The following RAD54L2 variants were observed in gnomAD, a reference collection of about 807,000 sequenced individuals.
RAD54L2 encodes RAD54 like 2.
Under a neutral mutation model 138.4 loss-of-function variants are expected in RAD54L2, and 27 were observed. The ratio of observed to expected loss-of-function variants is 0.20; its 90% CI spans 0.14 to 0.27. RAD54L2 has a LOEUF of 0.27. RAD54L2 is among the 10% of genes least tolerant of loss of function. The probability of loss-of-function intolerance (pLI) is 1.00; values close to 1 mark genes in which losing one functional copy is unlikely to be tolerated. For synonymous variants in RAD54L2, 644 were observed against 723.2 expected (o/e 0.89, Z 1.76); for missense variants, 1,396 against 1,890.2 (o/e 0.74, Z 4.85).
In RAD54L2 at chr3:51,615,487, T is replaced by C. The variant is rs1405293811; in HGVS notation, c.140-12066T>C. On this transcript the variant is annotated intron_variant, in intron 3 of 22. Transcript: ENST00000684192. ...GATTTTTTATTCATACATATTTTAC[T>C]CTAGCGGCAAAATTTTAAAACTAAG... Among the ~76,000 whole-genome samples, 5 of 152,340 alleles carry C rather than the reference T, an allele frequency of 3.3e-5. No individual in the cohort carries two copies. The South Asian group carries it at 1.0e-3, about 32-fold the overall frequency.
At chr3:51,622,552 C>T (rs917404520) in intron 3 of RAD54L2, among the ~76,000 whole-genome samples, 2 of 152,146 alleles carry the variant, frequency 1.3e-5, no homozygotes, top group Admixed American at 1.3e-4. Flanking sequence ...CAGTTGAGGG[C>T]CAAGGAAGTT....
At chr3:51,563,905 C>T (rs1026417330) in intron 2 of RAD54L2, among the ~76,000 whole-genome samples, 2 of 152,160 alleles carry the variant, frequency 1.3e-5, no homozygotes, top group Non-Finnish European at 2.9e-5. Context: ...TTAAATAATT[C>T]CTTAAATGTC....
chr3:51,586,457 C>T (rs144849271), intron 2 of RAD54L2, among the ~76,000 whole-genome samples: 31 of 149,572 alleles, frequency 2.1e-4, no homozygotes, highest in African/African-American at 5.9e-4. Flanking sequence ...AAGTCTCTGT[C>T]GCCACCACAC....
At position 51,608,472 on chromosome 3, in the gene RAD54L2, A is replaced by G. The variant is rs192935032; in HGVS notation, c.139+17913A>G. ...TCTCGGCACTTTGGGAGGCCAAGGC[A>G]GGCGGCTGGGAGGTGGAGGTTGTAG... is the stretch of plus-strand genomic sequence containing the variant. On this transcript the variant is annotated intron_variant, in intron 3 of 22. Coordinates refer to ENST00000684192, the MANE Select transcript of RAD54L2 (RefSeq NM_015106.4). Among the ~76,000 whole-genome samples, 9 of 152,326 alleles carry G rather than the reference A, an allele frequency of 5.9e-5. 1 individual carries two copies. In the East Asian group the frequency reaches 1.7e-3, roughly 29 times the overall value.
chr3:51,571,823 G>GT lies in RAD54L2; in HGVS notation c.-54-18535dup, dbSNP rs915063790. On this transcript the variant is annotated intron_variant, in intron 2 of 22. Transcript: ENST00000684192. ...TTATTTTCCACTTATAGAAATAGGGGTTTTTTTTTACTTCATTTTTTATTA... is the reference window on the plus strand; with the variant it reads ...TTATTTTCCACTTATAGAAATAGGGGTTTTTTTTTTACTTCATTTTTTATTA... 3.7e-4 allele frequency among the ~76,000 whole-genome samples: 56 copies of GT among 150,960 alleles called. 1 individual carries two copies. The highest frequency in any genetic ancestry group is 1.3e-3 in the South Asian group (6 of 4,736).
At chr3:51,607,086 AT>A (rs1375836433) in intron 3 of RAD54L2, among the ~76,000 whole-genome samples, 1 of 135,316 alleles carries the variant, frequency 7.4e-6, no homozygotes, top group Admixed American at 7.2e-5. Flanking sequence ...TTATTTTTTT[AT>A]TTTTTATTTT....
Position 51,646,359 on chromosome 3 carries a change from A to G in RAD54L2, c.2904A>G (p.Ala968=), listed in dbSNP as rs889687122. ...HKLTKAEKKA[A]KKSYEEDKRT... Reference sequence around the variant, plus strand: ...TAACCAAGGCTGAGAAAAAAGCAGCAAAGAAAAGCTATGAGGAAGACAAAC... The same window carrying G: ...TAACCAAGGCTGAGAAAAAAGCAGCGAAGAAAAGCTATGAGGAAGACAAAC... The change falls in exon 19 of 23, where the codon GCA becomes GCG. Residue 968 remains alanine (A), a synonymous_variant. Transcript: ENST00000684192. The G allele has an allele frequency of 6.2e-7, 1 of 1,612,802 alleles. No homozygotes were observed. Among genetic ancestry groups the G allele is most frequent in the Non-Finnish European group, 8.5e-7 (1 of 1,179,488 alleles).
chr3:51,554,269 A>G lies in RAD54L2; in HGVS notation c.-55+12619A>G, dbSNP rs111848720. Reference sequence around the variant, plus strand: ...ATAATCCCAGCTATTCTGGAGGCTGAGGCAGGAGAATCTCTTGAACCCTGG... The same window carrying G: ...ATAATCCCAGCTATTCTGGAGGCTGGGGCAGGAGAATCTCTTGAACCCTGG... On this transcript the variant is annotated intron_variant, in intron 2 of 22. Coordinates refer to ENST00000684192, the MANE Select transcript of RAD54L2 (RefSeq NM_015106.4). Among the ~76,000 whole-genome samples the G allele has an allele frequency of 6.2e-3, 938 of 151,902 alleles. 7 individuals are homozygous for G. The highest frequency in any genetic ancestry group is 0.021 in the African/African-American group (883 of 41,402).
intron 3 of RAD54L2, among the ~76,000 whole-genome samples, chr3:51,595,002 C>T (rs371195408): frequency 2.7e-5 from 4 of 150,772 alleles, no homozygotes; most frequent in East Asian, 3.9e-4. Flanking sequence ...GTAGCTGGGA[C>T]TACAGGCACG....
At chr3:51,583,955 T>C (rs1206851727) in intron 2 of RAD54L2, among the ~76,000 whole-genome samples, 1 of 151,126 alleles carries the variant, frequency 6.6e-6, no homozygotes, top group Non-Finnish European at 1.5e-5. Context: ...ATTGAAAGGG[T>C]CTTGGGGACT....
intron 19 of RAD54L2, 48 bp downstream of exon 19, chr3:51,646,529 C>T: frequency 6.8e-7 from 1 of 1,469,038 alleles, no homozygotes; most frequent in Non-Finnish European, 9.2e-7. Context: ...GGCACAAACA[C>T]CTTTCAACTT....
chr3:51,606,629 T>C (rs574323668), intron 3 of RAD54L2, among the ~76,000 whole-genome samples: 1 of 152,314 alleles, frequency 6.6e-6, no homozygotes, highest in East Asian at 1.9e-4. Flanking sequence ...ATATTTTCTT[T>C]GAATTTTATA....
chr3:51,559,776 T>A (rs1699056373), intron 2 of RAD54L2, among the ~76,000 whole-genome samples: 1 of 152,212 alleles, frequency 6.6e-6, no homozygotes, highest in Admixed American at 6.6e-5. Flanking sequence ...ATACCCATAT[T>A]GAAAATAAAA....
intron 13 of RAD54L2, 24 bp from the exon 14 acceptor site, chr3:51,639,857 A>C: frequency 6.4e-7 from 1 of 1,557,030 alleles, no homozygotes; most frequent in South Asian, 1.2e-5. Flanking sequence ...ACCTGCTCTA[A>C]GCTGCCTTGT....
At chr3:51,585,320 C>G (rs1214944848) in intron 2 of RAD54L2, among the ~76,000 whole-genome samples, 1 of 152,102 alleles carries the variant, frequency 6.6e-6, no homozygotes, top group Admixed American at 6.6e-5. Flanking sequence ...TTAAAAGGAA[C>G]AATCATGATG....
In RAD54L2 at chr3:51,660,042, C is replaced by T; in HGVS notation, c.3333C>T (p.Thr1111=). ...IRGTKGTYIR[T]SDGRIFAVRA... ...TATTCTTAGGGACGTACATCCGTAC[C>T]AGTGATGGACGGATCTTTGCTGTCC... Residue 1111 remains threonine (T), a synonymous_variant, in exon 22 of 23, where the codon ACC becomes ACT. Coordinates refer to ENST00000684192, the MANE Select transcript of RAD54L2 (RefSeq NM_015106.4). The T allele has an allele frequency of 6.3e-7, 1 of 1,587,330 alleles. No homozygotes were observed. The highest frequency in any genetic ancestry group is 8.6e-7 in the Non-Finnish European group (1 of 1,158,518).
At chr3:51,653,110 G>A (rs1701487029) in intron 19 of RAD54L2, among the ~76,000 whole-genome samples, 1 of 152,162 alleles carries the variant, frequency 6.6e-6, no homozygotes, top group African/African-American at 2.4e-5. Context: ...CCATCAAAAA[G>A]TGGTTAAAGG....
chr3:51,617,382 A>C (rs1462794817), intron 3 of RAD54L2, among the ~76,000 whole-genome samples: 2 of 152,080 alleles, frequency 1.3e-5, no homozygotes, highest in African/African-American at 2.4e-5. Flanking sequence ...CTTCGTTAGC[A>C]CTTGTTATTA....
At chr3:51,555,044 T>C (rs1698931041) in intron 2 of RAD54L2, among the ~76,000 whole-genome samples, 1 of 152,072 alleles carries the variant, frequency 6.6e-6, no homozygotes, top group South Asian at 2.1e-4. Flanking sequence ...GGTTTTGCCA[T>C]GTTGACCAGG....
Sources: allele counts gnomAD v4.1 joint callset (sites outside exome capture counted in the v4.1 genomes callset), GRCh38; gene constraint gnomAD v4.1.1; transcripts MANE v1.5; gene names NCBI Gene and HGNC (gene_info 2026-07-23, HGNC 2026-07-21).